CCBE1: variants seen among roughly 807,000 people sequenced by gnomAD.
CCBE1 encodes the protein collagen and calcium-binding EGF domain-containing protein 1.
A neutral mutation model predicts 50.0 loss-of-function variants in CCBE1; 37 were observed. The observed-to-expected ratio is 0.74, with a 90% CI of 0.57 to 0.97. The LOEUF (loss-of-function observed/expected upper bound fraction) is 0.97. CCBE1 is among the 50% of genes least tolerant of loss of function. The pLI is 0.00. For synonymous variants in CCBE1, 234 were observed against 203.7 expected (o/e 1.15, Z -1.27); for missense variants, 538 against 523.8 (o/e 1.03, Z -0.26).
chr18:59,452,663 T>C (rs1409835987), intron 6 of CCBE1, among the ~76,000 whole-genome samples: 2 of 152,126 alleles, frequency 1.3e-5, no homozygotes, highest in African/African-American at 4.8e-5. Context: ...TGAGAGGACC[T>C]AGGTTTTAGG....
At chr18:59,593,160 T>C (rs1000747294) in intron 2 of CCBE1, among the ~76,000 whole-genome samples, 2 of 152,188 alleles carry the variant, frequency 1.3e-5, no homozygotes, top group African/African-American at 2.4e-5. Context: ...AGCATGTGAC[T>C]TATACTAAGT....
At chr18:59,441,956 C>T (rs1910447619) in intron 7 of CCBE1, among the ~76,000 whole-genome samples, 1 of 152,206 alleles carries the variant, frequency 6.6e-6, no homozygotes, top group Non-Finnish European at 1.5e-5. Flanking sequence ...TCTAACTCCT[C>T]AGCATAGTAT....
At chr18:59,511,051 G>T (rs1478904688) in intron 2 of CCBE1, among the ~76,000 whole-genome samples, 1 of 152,168 alleles carries the variant, frequency 6.6e-6, no homozygotes, top group Non-Finnish European at 1.5e-5. Flanking sequence ...TGAGAATACT[G>T]CTGAAGACAA....
intron 3 of CCBE1, among the ~76,000 whole-genome samples, chr18:59,475,289 T>C (rs969754787): frequency 3.3e-5 from 5 of 152,176 alleles, no homozygotes; most frequent in African/African-American, 9.7e-5. Context: ...AGGCTAACCT[T>C]CCCAAAGCAT....
chr18:59,573,501 G>A (rs1014774966), intron 2 of CCBE1, among the ~76,000 whole-genome samples: 3 of 151,442 alleles, frequency 2.0e-5, no homozygotes, highest in African/African-American at 7.3e-5. Flanking sequence ...ACCACCAATT[G>A]TGTGAGCCAA....
intron 2 of CCBE1, among the ~76,000 whole-genome samples, chr18:59,670,319 A>C (rs923632414): frequency 3.3e-5 from 5 of 152,156 alleles, no homozygotes; most frequent in Non-Finnish European, 7.4e-5. Flanking sequence ...GGGGAAGAAA[A>C]GTCAATATAT....
intron 2 of CCBE1, among the ~76,000 whole-genome samples, chr18:59,658,811 T>C (rs1163730823): frequency 7.7e-6 from 1 of 130,398 alleles, no homozygotes; most frequent in East Asian, 2.4e-4. Context: ...ACCCGGGCAG[T>C]GGAGTTTGCA....
chr18:59,693,864 C>CTTTTTTTTTTTTTTTTTTTTTTTTTT (rs11410421), intron 2 of CCBE1, among the ~76,000 whole-genome samples: 1 of 70,734 alleles, frequency 1.4e-5, no homozygotes, highest in African/African-American at 6.3e-5. Flanking sequence ...AAAGGAAAGC[C>CTTTTTTTTTTTTTTTTTTTTTTTTTT]TTTTTTTTTT....
chr18:59,501,017 G>T lies in CCBE1; in HGVS notation c.213-20779C>A, dbSNP rs142056588. On this transcript the variant is annotated intron_variant, in intron 2 of 10. Transcript: ENST00000439986. ...TTACAGGTGGACAAAGGGAGTGTCA[G>T]ACAGTGCAAGAATCTGCCAAGGTCA... Among the ~76,000 whole-genome samples the T allele has an allele frequency of 3.2e-3, 488 of 152,358 alleles. 3 individuals carry two copies. The highest frequency in any genetic ancestry group is 0.011 in the African/African-American group (460 of 41,578).
intron 2 of CCBE1, among the ~76,000 whole-genome samples, chr18:59,575,810 G>A (rs141620161): frequency 1.3e-5 from 2 of 152,278 alleles, no homozygotes; most frequent in African/African-American, 4.8e-5. Context: ...CCCAGAGCAG[G>A]TCATACTGGG....
At chr18:59,645,308 C>T (rs2054041863) in intron 2 of CCBE1, among the ~76,000 whole-genome samples, 2 of 152,230 alleles carry the variant, frequency 1.3e-5, no homozygotes, top group African/African-American at 2.4e-5. Context: ...CACAAGTCCA[C>T]ACATGACTTC....
At chr18:59,680,290 G>C (rs1265430253) in intron 2 of CCBE1, among the ~76,000 whole-genome samples, 1 of 151,956 alleles carries the variant, frequency 6.6e-6, no homozygotes, top group African/African-American at 2.4e-5. Flanking sequence ...GGGAGCAGAG[G>C]GGTGACTTTG....
chr18:59,560,106 G>C (rs1341322867), intron 2 of CCBE1, among the ~76,000 whole-genome samples: 1 of 152,240 alleles, frequency 6.6e-6, no homozygotes, highest in African/African-American at 2.4e-5. Flanking sequence ...GAGTTGGGAT[G>C]ACAAGGCTGG....
At chr18:59,659,700 G>T (rs746191070) in intron 2 of CCBE1, among the ~76,000 whole-genome samples, 1 of 152,216 alleles carries the variant, frequency 6.6e-6, no homozygotes, top group South Asian at 2.1e-4. Flanking sequence ...CCTGATGACA[G>T]TGCCCAGTGA....
At chr18:59,697,597 G>A, upstream of CCBE1, 1 of 495,166 alleles carries the variant, frequency 2.0e-6, no homozygotes, top group South Asian at 2.4e-5. Flanking sequence ...CGGCTGGCGC[G>A]AGGGCCCTGA....
At chr18:59,640,132 C>T (rs182554242) in intron 2 of CCBE1, among the ~76,000 whole-genome samples, 3 of 152,242 alleles carry the variant, frequency 2.0e-5, no homozygotes, top group Admixed American at 1.3e-4. Flanking sequence ...CTAGAAAAAA[C>T]GATTTTAAAA....
In CCBE1 at chr18:59,469,463, C is replaced by G; in HGVS notation, c.400+10G>C. 1 of 1,614,202 alleles carries G rather than the reference C, an allele frequency of 6.2e-7. No individual in the cohort carries two copies. Among genetic ancestry groups the G allele is most frequent in the Non-Finnish European group, 8.5e-7 (1 of 1,180,036 alleles). The stretch of plus-strand genomic sequence containing the variant: ...TTCAGAAGCTGGAAACAAGCACATT[C>G]CCAACACACCCAGACAGTATGGCTT... On this transcript the variant is annotated intron_variant, in intron 4 of 10. Transcript: ENST00000439986.
chr18:59,520,142 T>C (rs1222709301), intron 2 of CCBE1, among the ~76,000 whole-genome samples: 1 of 152,182 alleles, frequency 6.6e-6, no homozygotes, highest in African/African-American at 2.4e-5. Context: ...CTTAGGATTG[T>C]CTTGGCTATA....
intron 2 of CCBE1, among the ~76,000 whole-genome samples, chr18:59,560,627 A>G (rs2052722157): frequency 6.6e-6 from 1 of 152,202 alleles, no homozygotes; most frequent in South Asian, 2.1e-4. Context: ...AAAGACCTAC[A>G]TGGGATTAAA....
Sources: allele counts gnomAD v4.1 joint callset (sites outside exome capture counted in the v4.1 genomes callset), GRCh38; gene constraint gnomAD v4.1.1; transcripts MANE v1.5; gene names NCBI Gene and HGNC (gene_info 2026-07-23, HGNC 2026-07-21).